Variants in UGT1A4 observed in about 807,000 individuals in gnomAD.
UGT1A4 encodes UDP-glucuronosyltransferase 1A4.
UGT1A4 carries 32 observed loss-of-function variants against 41.1 expected under a neutral mutation model. The ratio of observed to expected loss-of-function variants is 0.78; its 90% CI spans 0.59 to 1.05. UGT1A4 has a LOEUF of 1.05. Ranked by LOEUF, UGT1A4 falls within the 50% of genes least tolerant of loss-of-function variation. The pLI is 0.00. For missense variants in UGT1A4, 748 were observed against 677.4 expected (o/e 1.10, Z -1.16); for synonymous variants, 283 against 265.1 (o/e 1.07, Z -0.66).
chr2:233,725,835 CTATGT>C (rs1185160672), intron 1 of UGT1A4, among the ~76,000 whole-genome samples: 4 of 152,052 alleles, frequency 2.6e-5, no homozygotes, highest in Admixed American at 2.0e-4. Flanking sequence ...ATTGCTACTC[CTATGT>C]TATTTTTTCA....
chr2:233,748,342 C>T lies in UGT1A4; in HGVS notation c.868-18692C>T, dbSNP rs117379305. ...ACTGATGTGACTCATGGAGACTGTT[C>T]GTTTGTAAAGGCACCATCTTCATGG... On this transcript the variant is annotated intron_variant, in intron 1 of 4. Transcript: ENST00000373409. 1.9e-3 allele frequency among the ~76,000 whole-genome samples: 287 copies of T among 151,736 alleles called. 5 individuals carry two copies. The East Asian group carries it at 0.054, about 29-fold the overall frequency.
At chr2:233,724,256 C>T (rs2077196929) in intron 1 of UGT1A4, among the ~76,000 whole-genome samples, 1 of 131,772 alleles carries the variant, frequency 7.6e-6, no homozygotes, top group African/African-American at 2.9e-5. Flanking sequence ...CGCCCCTCAC[C>T]TCCCGGACGG....
intron 1 of UGT1A4, among the ~76,000 whole-genome samples, chr2:233,762,455 C>T (rs960271633): frequency 3.9e-5 from 6 of 152,100 alleles, no homozygotes; most frequent in Admixed American, 6.5e-5. Flanking sequence ...GCCCACTTAC[C>T]GATAATGTCA....
intron 1 of UGT1A4, among the ~76,000 whole-genome samples, chr2:233,731,881 A>AC (rs1345442477): frequency 6.6e-6 from 1 of 152,198 alleles, no homozygotes; most frequent in Non-Finnish European, 1.5e-5. Flanking sequence ...CAATGGTTGA[A>AC]CTAATTTACA....
At position 233,719,476 on chromosome 2, in the gene UGT1A4, C is replaced by T. The variant is rs1220273239; in HGVS notation, c.656C>T (p.Ala219Val). ...QRVKNMLYPL[A>V]LSYICHTFSA... ...GTCAAGAACATGCTCTACCCTCTGG[C>T]CCTGTCCTACATTTGCCATACTTTT... Residue 219 changes from alanine to valine, a missense_variant, in exon 1 of 5, where the codon GCC (alanine) becomes GTC (valine). Physicochemically the swap from Ala to Val is moderately conservative, Grantham distance 64. Transcript: ENST00000373409. 3 of 1,613,886 alleles carry T rather than the reference C, an allele frequency of 1.9e-6. No individual in the cohort carries two copies. The highest frequency in any genetic ancestry group is 2.7e-5 in the African/African-American group (2 of 74,932).
chr2:233,736,085 G>C (rs1296774053), intron 1 of UGT1A4, among the ~76,000 whole-genome samples: 1 of 152,146 alleles, frequency 6.6e-6, no homozygotes, highest in African/African-American at 2.4e-5. Flanking sequence ...AGTTCTCCTG[G>C]ATAATATCCT....
At chr2:233,755,288 C>T in intron 1 of UGT1A4, 1 of 652,734 alleles carries the variant, frequency 1.5e-6, no homozygotes, top group Non-Finnish European at 2.4e-6. Flanking sequence ...GCCAAAGAGC[C>T]TGCGGGGCAC....
Position 233,761,136 on chromosome 2 carries a change from A to G in UGT1A4, c.868-5898A>G, listed in dbSNP as rs142418984. On this transcript the variant is annotated intron_variant, in intron 1 of 4. Coordinates refer to ENST00000373409, the MANE Select transcript of UGT1A4 (RefSeq NM_007120.3). ...TTGGTGGAATCAACTGCCTTCACCA[A>G]AATCCACTATCCCAGGTGTGTATTG... 13 of 1,614,222 alleles carry G rather than the reference A, an allele frequency of 8.1e-6. No individual in the cohort carries two copies. The highest frequency in any genetic ancestry group is 1.1e-5 in the Non-Finnish European group (13 of 1,180,048).
At chr2:233,748,028 C>T in intron 1 of UGT1A4, 2 of 1,613,550 alleles carry the variant, frequency 1.2e-6, no homozygotes, top group Non-Finnish European at 8.5e-7. Context: ...TCATGCCCAA[C>T]ATGGTCTTCA....
At chr2:233,760,448 GA>G in intron 1 of UGT1A4, 1 of 1,614,238 alleles carries the variant, frequency 6.2e-7, no homozygotes, top group East Asian at 2.2e-5. Context: ...CAGCAGAGGG[GA>G]CATGAAATAG....
At chr2:233,733,174 G>T (rs2078363189) in intron 1 of UGT1A4, among the ~76,000 whole-genome samples, 1 of 152,204 alleles carries the variant, frequency 6.6e-6, no homozygotes, top group African/African-American at 2.4e-5. Context: ...CTGGGACTTT[G>T]CTGAAGTTGC....
chr2:233,757,475 A>T (rs1291183794), intron 1 of UGT1A4, among the ~76,000 whole-genome samples: 1 of 148,302 alleles, frequency 6.7e-6, no homozygotes, highest in Non-Finnish European at 1.5e-5. Context: ...CTGTCTCCAA[A>T]ACCATGGACT....
chr2:233,772,380 C>T lies in UGT1A4; in HGVS notation c.1426C>T (p.Arg476Cys), dbSNP rs566674185. ...GAGGCACAAGGGCGCGCCACACCTGCGCCCCGCAGCCCACGACCTCACCTG... is the reference window on the plus strand; with the variant it reads ...GAGGCACAAGGGCGCGCCACACCTGTGCCCCGCAGCCCACGACCTCACCTG... ...VMRHKGAPHL[R>C]PAAHDLTWYQ... The change falls in exon 5 of 5, where the codon CGC becomes TGC. Residue 476 changes from arginine to cysteine, a missense_variant. Coordinates refer to ENST00000373409, the MANE Select transcript of UGT1A4 (RefSeq NM_007120.3). 5.6e-6 allele frequency: 9 copies of T among 1,614,144 alleles called. No homozygotes were observed. The highest frequency in any genetic ancestry group is 4.0e-5 in the African/African-American group (3 of 74,944).
In UGT1A4 at chr2:233,769,448, C is replaced by T. The variant is rs934555154; in HGVS notation, c.1307+1009C>T. The T allele has an allele frequency of 7.2e-5, 114 of 1,590,160 alleles. No individual in the cohort carries two copies. The East Asian group carries it at 1.2e-3, about 16-fold the overall frequency. ...GGCTGTGCTCATGTGTGGGTGCACA[C>T]GTGTGCATTCATATGCGTGTGTGTG... On this transcript the variant is annotated intron_variant, in intron 4 of 4. Coordinates refer to ENST00000373409, the MANE Select transcript of UGT1A4 (RefSeq NM_007120.3). The surrounding 1 kb of genome is among the most constrained non-coding windows in gnomAD (Gnocchi z 4.4).
Position 233,763,798 on chromosome 2 carries a change from A to G in UGT1A4, c.868-3236A>G, listed in dbSNP as rs551390932. ...GAACAACATTGGGAGAAAAGGAATG[A>G]AACTCAAGAATTCCAAGATGTTCCT... On this transcript the variant is annotated intron_variant, in intron 1 of 4. Coordinates refer to ENST00000373409, the MANE Select transcript of UGT1A4 (RefSeq NM_007120.3). Among the ~76,000 whole-genome samples, 8 of 152,368 alleles carry G rather than the reference A, an allele frequency of 5.3e-5. No individual in the cohort carries two copies. The South Asian group carries it at 1.0e-3, about 20-fold the overall frequency.
In UGT1A4 at chr2:233,719,670, G is replaced by A. The variant is rs758623915; in HGVS notation, c.850G>A (p.Gly284Arg). 19 of 1,613,900 alleles carry A rather than the reference G, an allele frequency of 1.2e-5. No homozygotes were observed. Among genetic ancestry groups the A allele is most frequent in the East Asian group, 6.7e-5 (3 of 44,884 alleles). The change falls in exon 1 of 5, where the codon GGG becomes AGG. Residue 284 changes from glycine to arginine, a missense_variant. Gly to Arg is a moderately radical substitution (Grantham distance 125). Transcript: ENST00000373409. ...VFIGGINCAN[G>R]KPLSQEFEAY... ...CATTGGGGGCATCAACTGTGCCAAC[G>A]GGAAGCCACTATCTCAGGTCTGTAT... is the stretch of plus-strand genomic sequence containing the variant.
intron 1 of UGT1A4, chr2:233,754,702 T>A (rs1695559968): frequency 5.8e-6 from 3 of 514,810 alleles, no homozygotes; most frequent in Non-Finnish European, 1.1e-5. Context: ...GAAGTCGACA[T>A]GGACTTGAAG....
chr2:233,742,737 C>A (rs1559386227), intron 1 of UGT1A4: 1 of 152,816 alleles, frequency 6.5e-6, no homozygotes, highest in Non-Finnish European at 1.5e-5. Flanking sequence ...ATTCAAATGT[C>A]TGACCTCCAA....
At chr2:233,757,033 A>T (rs1308821076) in intron 1 of UGT1A4, among the ~76,000 whole-genome samples, 1 of 151,746 alleles carries the variant, frequency 6.6e-6, no homozygotes, top group African/African-American at 2.4e-5. Flanking sequence ...CAATTTGAGA[A>T]CATCAAAGGA....
Sources: gnomAD v4.1 joint callset for allele counts (sites outside exome capture counted in the v4.1 genomes callset) on GRCh38, gnomAD v4.1.1 for gene constraint, Gnocchi (gnomAD v3.1) non-coding constraint, MANE v1.5 for transcripts, NCBI Gene and HGNC (gene_info 2026-07-23, HGNC 2026-07-21) for gene names.